PRKN: variants seen among roughly 807,000 people sequenced by gnomAD.
PRKN encodes parkin RBR E3 ubiquitin protein ligase, also known as E3 ubiquitin-protein ligase parkin.
Under a neutral mutation model 59.5 loss-of-function variants are expected in PRKN, and 56 were observed. The observed-to-expected ratio is 0.94, with a 90% CI of 0.76 to 1.18. The LOEUF (loss-of-function observed/expected upper bound fraction) is 1.18, where lower values mean the gene tolerates loss of function less well. Among genes scored for constraint, PRKN ranks in the 50% most tolerant of loss-of-function variants. The pLI is 0.00. For synonymous variants in PRKN, 250 were observed against 222.1 expected, an observed-to-expected ratio of 1.13 and a Z score of -1.12; for missense variants, 657 against 596.4, an observed-to-expected ratio of 1.10 and a Z score of -1.06.
intron 6 of PRKN, among the ~76,000 whole-genome samples, chr6:161,852,388 G>C (rs1793475344): frequency 2.0e-5 from 3 of 152,068 alleles, no homozygotes; most frequent in Admixed American, 2.0e-4. Context: ...AAGAGTTTGA[G>C]GCTGCAATGA....
rs1441507460 is a variant in PRKN at position 161,526,465 on chromosome 6, GTCT to G, written c.1083+22386_1083+22388del. ...AAATATTAAGTGATATTTTCCTATT[GTCT>G]TCTTTTTTGTTGTCCTGTCTTGCTA... On this transcript the variant is annotated intron_variant, in intron 9 of 11. Coordinates refer to ENST00000366898, the MANE Select transcript of PRKN (RefSeq NM_004562.3). The surrounding 1 kb of genome is among the most constrained non-coding windows in gnomAD (Gnocchi z 4.1). 6.6e-6 allele frequency among the ~76,000 whole-genome samples: 1 copy of G among 151,884 alleles called. No individual in the cohort carries two copies. The highest frequency in any genetic ancestry group is 1.5e-5 in the Non-Finnish European group (1 of 67,950).
intron 6 of PRKN, among the ~76,000 whole-genome samples, chr6:161,941,085 GGAGGGCA>G: frequency 6.6e-6 from 1 of 152,238 alleles, no homozygotes; most frequent in African/African-American, 2.4e-5. Flanking sequence ...GCTGGGTAGA[GGAGGGCA>G]TGGTCCCTGC....
chr6:162,303,155 C>A (rs927759082), intron 2 of PRKN, among the ~76,000 whole-genome samples: 4 of 152,060 alleles, frequency 2.6e-5, no homozygotes, highest in Admixed American at 6.5e-5. Context: ...ATTTTAATGG[C>A]AATAGTTATT....
chr6:162,458,446 T>C (rs1440071342), intron 1 of PRKN, among the ~76,000 whole-genome samples: 1 of 150,860 alleles, frequency 6.6e-6, no homozygotes. Flanking sequence ...AAAAAAAAAT[T>C]TTTTTTAAAT....
intron 6 of PRKN, among the ~76,000 whole-genome samples, chr6:161,791,471 T>C (rs190883268): frequency 1.3e-5 from 2 of 152,366 alleles, no homozygotes; most frequent in East Asian, 3.9e-4. Context: ...TTGTTTGTTC[T>C]CTCTCATTTG....
intron 4 of PRKN, among the ~76,000 whole-genome samples, chr6:162,087,589 C>CTTTTT (rs35184111): frequency 4.4e-4 from 45 of 102,678 alleles, no homozygotes; most frequent in African/African-American, 6.2e-4. Context: ...AGAATAATTT[C>CTTTTT]TTTTTTTTTT....
intron 9 of PRKN, among the ~76,000 whole-genome samples, chr6:161,394,123 C>T (rs777932820): frequency 3.3e-5 from 5 of 152,124 alleles, no homozygotes; most frequent in Non-Finnish European, 7.3e-5. Flanking sequence ...TGCCACAGAA[C>T]GGAGATGGTG....
At position 161,552,787 on chromosome 6, in the gene PRKN, G is replaced by GTTGTTTTTTTTTTTTTTTTTTTTTT. The variant is rs1554275446; in HGVS notation, c.934-3785_934-3784insAAAAAAAAAAAAAAAAAAAAAACAA. On this transcript the variant is annotated intron_variant, in intron 8 of 11. Transcript: ENST00000366898. The surrounding 1 kb of genome is among the most constrained non-coding windows in gnomAD (Gnocchi z 4.9). ...TAAAAGACACCATGGTTTTGTTGTTGTTTTTGTTTTTTGTTTTTTTTTTTT... is the reference window on the plus strand; with the variant it reads ...TAAAAGACACCATGGTTTTGTTGTTGTTGTTTTTTTTTTTTTTTTTTTTTTTTTTTGTTTTTTGTTTTTTTTTTTT... Among the ~76,000 whole-genome samples, 1 of 86,504 alleles carries GTTGTTTTTTTTTTTTTTTTTTTTTT rather than the reference G, an allele frequency of 1.2e-5. No individual in the cohort carries two copies. The allele number at this position is 86,504 out of a possible 152,430, so 56.7% of individuals were successfully genotyped here. A position where few individuals can be genotyped will look rare whatever the true frequency, so the allele number is the denominator to read the frequency against.
intron 7 of PRKN, among the ~76,000 whole-genome samples, chr6:161,709,526 T>A (rs549927383): frequency 6.6e-6 from 1 of 152,308 alleles, no homozygotes; most frequent in African/African-American, 2.4e-5. Context: ...CCTCTAGGAG[T>A]ACAATTCTAA....
intron 6 of PRKN, among the ~76,000 whole-genome samples, chr6:161,931,565 C>T (rs1448311589): frequency 2.0e-5 from 3 of 152,124 alleles, no homozygotes; most frequent in African/African-American, 7.2e-5. Context: ...TATCAATTAC[C>T]CAGTCTGCGG....
rs199852188 is a variant in PRKN, at chr6:161,900,926, A to ATTTT, written c.734+72375_734+72376insAAAA. 5.4e-3 allele frequency among the ~76,000 whole-genome samples: 454 copies of ATTTT among 83,576 alleles called. 2 individuals are homozygous for ATTTT. Among genetic ancestry groups the ATTTT allele is most frequent in the Middle Eastern group, 0.015 (2 of 134 alleles). 54.8% of individuals were successfully genotyped at this position (83,576 alleles called of 152,430 possible). A position where few individuals can be genotyped will look rare whatever the true frequency, so the allele number is the denominator to read the frequency against. On this transcript the variant is annotated intron_variant, in intron 6 of 11. Coordinates refer to ENST00000366898, the MANE Select transcript of PRKN (RefSeq NM_004562.3). Reference sequence around the variant, plus strand: ...TATGTTAAATTGTATATATATATATATATTTTTTAGATGGAGTCTCGCTCT... The same window carrying ATTTT: ...TATGTTAAATTGTATATATATATATATTTTTATTTTTTAGATGGAGTCTCGCTCT...
intron 4 of PRKN, among the ~76,000 whole-genome samples, chr6:162,069,744 CA>C (rs1203216964): frequency 3.3e-5 from 5 of 152,120 alleles, no homozygotes; most frequent in African/African-American, 1.2e-4. Flanking sequence ...GTTATCTCTA[CA>C]AATTGTTTAA....
chr6:162,465,165 A>G (rs916949663), intron 1 of PRKN, among the ~76,000 whole-genome samples: 1 of 152,218 alleles, frequency 6.6e-6, no homozygotes, highest in Non-Finnish European at 1.5e-5. Context: ...AACATTTTAA[A>G]GAAAAACCAG....
intron 3 of PRKN, among the ~76,000 whole-genome samples, chr6:162,212,740 G>A (rs1289259639): frequency 1.3e-5 from 2 of 152,148 alleles, no homozygotes; most frequent in Non-Finnish European, 2.9e-5. Context: ...ACACCTAGAT[G>A]GCATCACCTA....
intron 1 of PRKN, among the ~76,000 whole-genome samples, chr6:162,722,609 C>T (rs1429703886): frequency 6.6e-6 from 1 of 152,178 alleles, no homozygotes; most frequent in Non-Finnish European, 1.5e-5. Flanking sequence ...GATCAAAGAA[C>T]TAATAGCTAA....
chr6:161,959,828 T>A (rs1780314545), intron 6 of PRKN, among the ~76,000 whole-genome samples: 1 of 152,200 alleles, frequency 6.6e-6, no homozygotes, highest in Admixed American at 6.5e-5. Context: ...ACTTATTTGA[T>A]CCTACCACCA....
In PRKN at chr6:162,114,624, C is replaced by T. The variant is rs567336680; in HGVS notation, c.535-60450G>A. Among the ~76,000 whole-genome samples, 358 of 151,610 alleles carry T rather than the reference C, an allele frequency of 2.4e-3. 2 individuals are homozygous for T. The highest frequency in any genetic ancestry group is 8.3e-3 in the African/African-American group (342 of 41,226). ...AAAAAGGGCTAATATCCAGAATCTA[C>T]AATGAACTCAAACAAATTTACAAGA... On this transcript the variant is annotated intron_variant, in intron 4 of 11. Coordinates refer to ENST00000366898, the MANE Select transcript of PRKN (RefSeq NM_004562.3).
Position 161,912,367 on chromosome 6 carries a change from C to T in PRKN, c.734+60935G>A, listed in dbSNP as rs566639686. The stretch of plus-strand genomic sequence containing the variant: ...AATAATCTTCTTGTAGTCTGCTCTA[C>T]TGGTGGTCACCAGTAAACCATTCTT... On this transcript the variant is annotated intron_variant, in intron 6 of 11. Coordinates refer to ENST00000366898, the MANE Select transcript of PRKN (RefSeq NM_004562.3). 4.6e-5 allele frequency among the ~76,000 whole-genome samples: 7 copies of T among 152,192 alleles called. No individual in the cohort carries two copies. The South Asian group carries it at 1.5e-3, about 32-fold the overall frequency.
At chr6:162,563,392 C>G (rs1779934714) in intron 1 of PRKN, among the ~76,000 whole-genome samples, 1 of 152,074 alleles carries the variant, frequency 6.6e-6, no homozygotes, top group African/African-American at 2.4e-5. Context: ...AGAGAATTAT[C>G]ACAGATCTTG....
Sources: gnomAD v4.1 joint callset for allele counts (sites outside exome capture counted in the v4.1 genomes callset) on GRCh38, gnomAD v4.1.1 for gene constraint, Gnocchi (gnomAD v3.1) non-coding constraint, MANE v1.5 for transcripts, NCBI Gene and HGNC (gene_info 2026-07-23, HGNC 2026-07-21) for gene names.